The following LRRC37A2 variants were observed in gnomAD, a reference collection of about 807,000 sequenced individuals.
The protein encoded by LRRC37A2 is leucine rich repeat containing 37 member A2, also known as leucine-rich repeat-containing protein 37A2.
A neutral mutation model predicts 68.8 loss-of-function variants in LRRC37A2; 9 were observed. The observed-to-expected ratio is 0.13, with a 90% CI of 0.08 to 0.23. LRRC37A2 has a LOEUF of 0.23. LRRC37A2 is among the 10% of genes least tolerant of loss of function. LRRC37A2 has a pLI of 1.00. For synonymous variants in LRRC37A2, 63 were observed against 367.6 expected, an observed-to-expected ratio of 0.17 and a Z score of 9.48; for missense variants, 168 against 950.4, an observed-to-expected ratio of 0.18 and a Z score of 10.82.
the LRRC37A2 span, chr17:46,830,868 T>C: frequency 2.5e-6 from 1 of 397,856 alleles, no homozygotes; most frequent in Non-Finnish European, 4.4e-6. Context: ...AAAAGTCTGG[T>C]TGGTCCTAAT....
the LRRC37A2 span, chr17:46,910,290 G>A: frequency 6.6e-6 from 1 of 152,188 alleles, no homozygotes; most frequent in Non-Finnish European, 1.5e-5. Context: ...CATGCTCAGG[G>A]CAAGTCCTGT....
chr17:46,775,321 C>G, the LRRC37A2 span, among the ~76,000 whole-genome samples: 1 of 152,316 alleles, frequency 6.6e-6, no homozygotes, highest in South Asian at 2.1e-4. Flanking sequence ...TGCCTTCCCC[C>G]GGGTCCCTCC....
At chr17:46,402,180 TAA>T in the LRRC37A2 span, among the ~76,000 whole-genome samples, 1 of 1,136 alleles carries the variant, frequency 8.8e-4, no homozygotes, top group African/African-American at 9.9e-4. Flanking sequence ...AGACTCCATC[TAA>T]AAAAAAAAAA....
chr17:46,961,245 G>T, the LRRC37A2 span, among the ~76,000 whole-genome samples: 5 of 152,136 alleles, frequency 3.3e-5, no homozygotes, highest in African/African-American at 1.2e-4. Flanking sequence ...AACTAGTAGA[G>T]ACTATGAAAG....
the LRRC37A2 span, among the ~76,000 whole-genome samples, chr17:46,781,191 A>G: frequency 5.1e-4 from 77 of 149,954 alleles, no homozygotes; most frequent in Middle Eastern, 3.5e-3. Flanking sequence ...GCGCCACTGC[A>G]CTCCAGCTTG....
chr17:46,918,705 G>T, the LRRC37A2 span, among the ~76,000 whole-genome samples: 2 of 151,646 alleles, frequency 1.3e-5, no homozygotes, highest in Admixed American at 6.6e-5. Context: ...GAACCACAAG[G>T]GTCATTGGAC....
the LRRC37A2 span, among the ~76,000 whole-genome samples, chr17:46,971,109 C>A: frequency 6.6e-6 from 1 of 152,030 alleles, no homozygotes; most frequent in Non-Finnish European, 1.5e-5. Flanking sequence ...CCAGCACTTA[C>A]AGTGGATCAT....
chr17:46,384,123 CT>C, the LRRC37A2 span, among the ~76,000 whole-genome samples: 1 of 77,490 alleles, frequency 1.3e-5, no homozygotes, highest in African/African-American at 3.7e-5. Context: ...TTTCATAATT[CT>C]TTTTGTCCAT....
At chr17:46,822,806 A>G in the LRRC37A2 span, among the ~76,000 whole-genome samples, 1 of 152,018 alleles carries the variant, frequency 6.6e-6, no homozygotes. Context: ...GGGCACCGCC[A>G]GATCCACCCT....
At chr17:47,015,603 G>A in the LRRC37A2 span, among the ~76,000 whole-genome samples, 1 of 152,098 alleles carries the variant, frequency 6.6e-6, no homozygotes, top group Non-Finnish European at 1.5e-5. Flanking sequence ...CTCTTAAATA[G>A]GGATTGTTTC....
chr17:46,731,549 G>T, the LRRC37A2 span, among the ~76,000 whole-genome samples: 7 of 152,320 alleles, frequency 4.6e-5, no homozygotes, highest in South Asian at 1.5e-3. Context: ...CTACTTAAAT[G>T]ATGAAAGGAG....
the LRRC37A2 span, among the ~76,000 whole-genome samples, chr17:46,969,518 T>C: frequency 2.0e-5 from 3 of 152,206 alleles, no homozygotes; most frequent in Non-Finnish European, 4.4e-5. Flanking sequence ...TGCTTTCTTA[T>C]GCCTGGAGAC....
chr17:46,868,100 C>T, the LRRC37A2 span, among the ~76,000 whole-genome samples: 1 of 152,124 alleles, frequency 6.6e-6, no homozygotes, highest in Non-Finnish European at 1.5e-5. Flanking sequence ...GGTAGCTGGG[C>T]CAAAGCAGGT....
chr17:46,749,990 T>G, the LRRC37A2 span: 1 of 1,461,892 alleles, frequency 6.8e-7, no homozygotes, highest in South Asian at 1.3e-5. Flanking sequence ...ATACCTGGTG[T>G]TTGGTTTTTA....
the LRRC37A2 span, among the ~76,000 whole-genome samples, chr17:46,877,760 C>T: frequency 9.9e-5 from 15 of 152,184 alleles, no homozygotes; most frequent in African/African-American, 2.4e-4. Flanking sequence ...AGCTGGCTCA[C>T]GAGCTATGAC....
the LRRC37A2 span, among the ~76,000 whole-genome samples, chr17:46,738,319 G>A: frequency 6.6e-6 from 1 of 152,152 alleles, no homozygotes; most frequent in Non-Finnish European, 1.5e-5. Flanking sequence ...ATATGGCATA[G>A]TTTCACTGGA....
the LRRC37A2 span, among the ~76,000 whole-genome samples, chr17:46,982,687 T>G: frequency 3.9e-5 from 6 of 152,010 alleles, no homozygotes; most frequent in Admixed American, 2.6e-4. Flanking sequence ...CCATCATCCC[T>G]GGGGGAGGTG....
At chr17:46,784,317 T>C in the LRRC37A2 span, among the ~76,000 whole-genome samples, 1 of 151,720 alleles carries the variant, frequency 6.6e-6, no homozygotes, top group Non-Finnish European at 1.5e-5. Context: ...GACGAGGAAG[T>C]GCGTGGGGCC....
chr17:47,026,078 G>A, the LRRC37A2 span, among the ~76,000 whole-genome samples: 8 of 148,878 alleles, frequency 5.4e-5, no homozygotes, highest in Non-Finnish European at 1.0e-4. Flanking sequence ...GCACTAGGAG[G>A]GATAAATTGT....
Sources: allele counts gnomAD v4.1 joint callset (sites outside exome capture counted in the v4.1 genomes callset), GRCh38; gene constraint gnomAD v4.1.1; transcripts MANE v1.5; gene names NCBI Gene and HGNC (gene_info 2026-07-23, HGNC 2026-07-21).